Variants in GSE1 observed in about 807,000 individuals in gnomAD.
GSE1 encodes Gse1 coiled-coil protein, also known as genetic suppressor element 1.
GSE1 carries 32 observed loss-of-function variants against 112.6 expected under a neutral mutation model. The ratio of observed to expected loss-of-function variants is 0.28; its 90% CI spans 0.21 to 0.38. GSE1 has a LOEUF of 0.38. GSE1 is among the 10% of genes least tolerant of loss of function. GSE1 has a pLI of 1.00. For synonymous variants in GSE1, 1,115 were observed against 735.6 expected, an observed-to-expected ratio of 1.52 and a Z score of -8.35; for missense variants, 2,348 against 1,699.2, an observed-to-expected ratio of 1.38 and a Z score of -6.71.
chr16:85,652,223 G>A (rs1221596403), intron 3 of GSE1, among the ~76,000 whole-genome samples: 2 of 152,232 alleles, frequency 1.3e-5, no homozygotes, highest in Non-Finnish European at 2.9e-5. Flanking sequence ...AGCAGGTGCC[G>A]TGACGGGCAC....
rs564272210 is a variant in GSE1 at position 85,627,044 on chromosome 16, C to CTTTTTTTTTTTTTTTTTTTTT, written c.8-6858_8-6838dup. On this transcript the variant is annotated intron_variant, in intron 1 of 15. Transcript: ENST00000253458. ...GGACTTTGCTTCCTTTTCTTCTTGC[C>CTTTTTTTTTTTTTTTTTTTTT]TTTTTTTTTTTTTTTTTTTTTTTTT... is the stretch of plus-strand genomic sequence containing the variant. 2.7e-3 allele frequency among the ~76,000 whole-genome samples: 67 copies of CTTTTTTTTTTTTTTTTTTTTT among 25,068 alleles called. 10 individuals are homozygous for CTTTTTTTTTTTTTTTTTTTTT. Among genetic ancestry groups the CTTTTTTTTTTTTTTTTTTTTT allele is most frequent in the East Asian group, 5.4e-3 (3 of 554 alleles). The allele number at this position is 25,068 out of a possible 152,430, so 16.4% of individuals were successfully genotyped here.
intron 1 of GSE1, among the ~76,000 whole-genome samples, chr16:85,570,511 C>A (rs538425185): frequency 1.3e-5 from 2 of 152,310 alleles, no homozygotes; most frequent in East Asian, 3.9e-4. Flanking sequence ...CTATTGAAAC[C>A]CATAACTCCA....
chr16:85,328,055 T>C (rs1316245655), intron 1 of GSE1, among the ~76,000 whole-genome samples: 1 of 152,244 alleles, frequency 6.6e-6, no homozygotes, highest in Non-Finnish European at 1.5e-5. Context: ...ACTCAGCCTT[T>C]TGGCCTCTCC....
At chr16:85,294,478 T>G (rs1597317051) in intron 1 of GSE1, among the ~76,000 whole-genome samples, 1 of 152,314 alleles carries the variant, frequency 6.6e-6, no homozygotes. Context: ...TTCCAGGTTC[T>G]GCTATTACAG....
chr16:85,493,041 G>A (rs1395590783), intron 2 of GSE1, among the ~76,000 whole-genome samples: 1 of 152,214 alleles, frequency 6.6e-6, no homozygotes, highest in Admixed American at 6.5e-5. Context: ...CACAGGGCTG[G>A]TGCCAGTGGG....
chr16:85,630,140 C>T (rs1348755777), intron 1 of GSE1, among the ~76,000 whole-genome samples: 1 of 152,284 alleles, frequency 6.6e-6, no homozygotes, highest in Admixed American at 6.5e-5. Context: ...CCATGACCTG[C>T]TTGAGCATCC....
At chr16:85,214,045 C>T (rs2075269554) in intron 1 of GSE1, among the ~76,000 whole-genome samples, 1 of 152,240 alleles carries the variant, frequency 6.6e-6, no homozygotes, top group South Asian at 2.1e-4. Context: ...GGCATCGTTC[C>T]ACTGGGTACA....
At chr16:85,493,050 G>C (rs2051059789) in intron 2 of GSE1, among the ~76,000 whole-genome samples, 1 of 152,208 alleles carries the variant, frequency 6.6e-6, no homozygotes. Context: ...GGTGCCAGTG[G>C]GGGACAGCGG....
rs1356572882 is a variant in GSE1, at chr16:85,331,700, TATA to T, written c.2284-25762_2284-25760del. Among the ~76,000 whole-genome samples, 63 of 58,594 alleles carry T rather than the reference TATA, an allele frequency of 1.1e-3. 2 individuals carry two copies. The highest frequency in any genetic ancestry group is 2.6e-3 in the African/African-American group (48 of 18,254). 38.4% of individuals were successfully genotyped at this position (58,594 alleles called of 152,430 possible). A position where few individuals can be genotyped will look rare whatever the true frequency, so the allele number is the denominator to read the frequency against. ...GTGTGTGTGTGTATATATATATATA[TATA>T]TATATTTTTTTTTTTTTTTTTTTTA... On this transcript the variant is annotated intron_variant, in intron 1 of 2. Coordinates refer to the GSE1 transcript ENST00000637419.
intron 2 of GSE1, among the ~76,000 whole-genome samples, chr16:85,643,966 C>G (rs1296511043): frequency 6.6e-6 from 1 of 152,138 alleles, no homozygotes; most frequent in Non-Finnish European, 1.5e-5. Context: ...TTCCCCTACT[C>G]ACAGCTACTG....
At chr16:85,359,431 T>G in intron 2 of GSE1, 1 of 455,982 alleles carries the variant, frequency 2.2e-6, no homozygotes, top group South Asian at 1.5e-5. Flanking sequence ...GGCTGTGGTT[T>G]GGGGAGCAGG....
At chr16:85,444,679 C>T (rs993007687) in intron 2 of GSE1, among the ~76,000 whole-genome samples, 7 of 152,136 alleles carry the variant, frequency 4.6e-5, no homozygotes, top group African/African-American at 1.4e-4. Flanking sequence ...CACACATGCA[C>T]ACGTGCACAC....
Position 85,595,821 on chromosome 16 carries a change from C to T in GSE1, c.37+39458C>T. The T allele has an allele frequency of 1.6e-5, 2 of 125,296 alleles. 1 individual carries two copies. The highest frequency in any genetic ancestry group is 3.4e-5 in the Non-Finnish European group (2 of 58,930). The allele number at this position is 125,296 out of a possible 1,614,324, so 7.8% of individuals were successfully genotyped here. ...CCATTCCCCCACCCACCCACCCACC[C>T]ACCCACCCACTCTTCCATCTACCCA... On this transcript the variant is annotated intron_variant, in intron 1 of 2. Coordinates refer to the GSE1 transcript ENST00000635906.
chr16:85,655,516 C>A (rs567063101), intron 5 of GSE1, among the ~76,000 whole-genome samples: 1 of 152,186 alleles, frequency 6.6e-6, no homozygotes, highest in Non-Finnish European at 1.5e-5. Flanking sequence ...TGGCAGGCGG[C>A]GCCCTGGAAC....
intron 1 of GSE1, among the ~76,000 whole-genome samples, chr16:85,616,366 C>T (rs1028147692): frequency 1.3e-5 from 2 of 152,230 alleles, no homozygotes; most frequent in African/African-American, 4.8e-5. Flanking sequence ...CTTTTCCCTG[C>T]CTCCAGGAGC....
intron 1 of GSE1, among the ~76,000 whole-genome samples, chr16:85,186,677 A>G (rs2143386841): frequency 6.6e-6 from 1 of 152,142 alleles, no homozygotes. Context: ...GAGGCTGAGA[A>G]TGGCCTGAGC....
At chr16:85,386,678 C>T (rs1016438048) in intron 2 of GSE1, among the ~76,000 whole-genome samples, 2 of 152,196 alleles carry the variant, frequency 1.3e-5, no homozygotes, top group African/African-American at 4.8e-5. Flanking sequence ...CACGATTGTG[C>T]GTGAAACGCC....
At chr16:85,381,720 C>A (rs1040384342) in intron 2 of GSE1, among the ~76,000 whole-genome samples, 1 of 152,228 alleles carries the variant, frequency 6.6e-6, no homozygotes, top group Non-Finnish European at 1.5e-5. Context: ...CAGGTCTGAG[C>A]GGCCCTTGGG....
chr16:85,557,920 A>G (rs2045317447), intron 1 of GSE1, among the ~76,000 whole-genome samples: 1 of 151,720 alleles, frequency 6.6e-6, no homozygotes, highest in African/African-American at 2.4e-5. Flanking sequence ...TTTTGATAGG[A>G]AGAATATTGA....
Sources: gnomAD v4.1 joint callset for allele counts (sites outside exome capture counted in the v4.1 genomes callset) on GRCh38, gnomAD v4.1.1 for gene constraint, MANE v1.5 for transcripts, NCBI Gene and HGNC (gene_info 2026-07-23, HGNC 2026-07-21) for gene names.